The following RBPMS variants were observed in gnomAD, a reference collection of about 807,000 sequenced individuals.
The protein encoded by RBPMS is RNA binding protein, mRNA processing factor, also known as RNA-binding protein with multiple splicing.
Under a neutral mutation model 26.8 loss-of-function variants are expected in RBPMS, and 7 were observed. The observed-to-expected ratio is 0.26, with a 90% CI of 0.15 to 0.49. The LOEUF (loss-of-function observed/expected upper bound fraction) is 0.49. RBPMS is among the 20% of genes least tolerant of loss of function. The pLI is 0.98. For missense variants in RBPMS, 186 were observed against 250.0 expected (o/e 0.74, Z 1.73); for synonymous variants, 96 against 93.3 (o/e 1.03, Z -0.17).
intron 1 of RBPMS, among the ~76,000 whole-genome samples, chr8:30,442,427 C>G (rs1813195114): frequency 1.3e-5 from 2 of 152,216 alleles, no homozygotes; most frequent in South Asian, 4.1e-4. Flanking sequence ...CTCATTCCCA[C>G]TCCTTTCACC....
chr8:30,409,689 G>C (rs1406230610), intron 1 of RBPMS, among the ~76,000 whole-genome samples: 2 of 152,024 alleles, frequency 1.3e-5, no homozygotes, highest in African/African-American at 2.4e-5. Flanking sequence ...CTGGAGTGCA[G>C]TGGCGCGATC....
chr8:30,549,795 T>TCTCTCTCC lies in RBPMS; in HGVS notation c.528+5172_528+5173insTCTCTCCC, dbSNP rs1298441943. Among the ~76,000 whole-genome samples, 255 of 100,712 alleles carry TCTCTCTCC rather than the reference T, an allele frequency of 2.5e-3. 4 individuals are homozygous for TCTCTCTCC. The highest frequency in any genetic ancestry group is 0.012 in the Middle Eastern group (2 of 172). The allele number at this position is 100,712 out of a possible 152,430, so 66.1% of individuals were successfully genotyped here. On this transcript the variant is annotated intron_variant, in intron 6 of 8. Coordinates refer to ENST00000397323, the MANE Select transcript of RBPMS (RefSeq NM_001008710.3). ...TCTTCTCTCTCTCTCTCTCTCTCTCTCCCCTCTCTCCTCTCTCTCTCTCTC... is the reference window on the plus strand; with the variant it reads ...TCTTCTCTCTCTCTCTCTCTCTCTCTCTCTCTCCCCCCTCTCTCCTCTCTCTCTCTCTC...
At chr8:30,560,252 CT>C (rs1393138541) in intron 7 of RBPMS, among the ~76,000 whole-genome samples, 3 of 152,164 alleles carry the variant, frequency 2.0e-5, no homozygotes, top group Non-Finnish European at 4.4e-5. Flanking sequence ...TGAGTGTGGA[CT>C]TCATGTTTGA....
intron 1 of RBPMS, among the ~76,000 whole-genome samples, chr8:30,386,387 A>G (rs965841426): frequency 6.6e-6 from 1 of 152,228 alleles, no homozygotes; most frequent in East Asian, 1.9e-4. Context: ...TATGCCAAAC[A>G]ATGCAAAATA....
chr8:30,507,177 TAGA>T (rs981009646), intron 5 of RBPMS, among the ~76,000 whole-genome samples: 2 of 152,238 alleles, frequency 1.3e-5, no homozygotes, highest in African/African-American at 4.8e-5. Context: ...GGCTTCAGGC[TAGA>T]AGATGTCACT....
intron 1 of RBPMS, among the ~76,000 whole-genome samples, chr8:30,462,488 A>G (rs1816030565): frequency 6.6e-6 from 1 of 151,986 alleles, no homozygotes; most frequent in African/African-American, 2.4e-5. Flanking sequence ...TAATGGTGCA[A>G]TCTCGGCTCA....
chr8:30,483,900 C>T (rs1420243497), intron 4 of RBPMS, among the ~76,000 whole-genome samples: 1 of 152,068 alleles, frequency 6.6e-6, no homozygotes. Flanking sequence ...TGAGATTCAT[C>T]CACGCTGTGG....
intron 8 of RBPMS, among the ~76,000 whole-genome samples, chr8:30,567,312 G>A (rs1827964722): frequency 1.3e-5 from 2 of 152,200 alleles, no homozygotes; most frequent in Non-Finnish European, 1.5e-5. Flanking sequence ...GGCATCAGGT[G>A]TGTGCCACAC....
intron 1 of RBPMS, among the ~76,000 whole-genome samples, chr8:30,411,235 C>T (rs916987521): frequency 6.6e-6 from 1 of 152,148 alleles, no homozygotes; most frequent in Non-Finnish European, 1.5e-5. Context: ...TTACTCCAGA[C>T]CCTGGCCTGT....
chr8:30,445,752 C>T (rs976987905), intron 1 of RBPMS, among the ~76,000 whole-genome samples: 1 of 150,876 alleles, frequency 6.6e-6, no homozygotes, highest in Non-Finnish European at 1.5e-5. Flanking sequence ...ACTGCAGCCT[C>T]GACCAACTGG....
At chr8:30,539,822 T>A (rs547081429) in intron 5 of RBPMS, among the ~76,000 whole-genome samples, 2 of 152,110 alleles carry the variant, frequency 1.3e-5, no homozygotes, top group East Asian at 3.9e-4. Flanking sequence ...GATGGAGTTT[T>A]CCCATGTTGG....
At chr8:30,464,392 A>G (rs1816271198) in intron 1 of RBPMS, among the ~76,000 whole-genome samples, 1 of 152,228 alleles carries the variant, frequency 6.6e-6, no homozygotes, top group African/African-American at 2.4e-5. Context: ...GTAATTTCTG[A>G]TAACTAAATA....
At chr8:30,436,903 T>TAAATATTGAA (rs1374768732) in intron 1 of RBPMS, among the ~76,000 whole-genome samples, 1 of 151,636 alleles carries the variant, frequency 6.6e-6, no homozygotes, top group Non-Finnish European at 1.5e-5. Context: ...GTGTTTACAC[T>TAAATATTGAA]CCCTTGTCGT....
intron 5 of RBPMS, among the ~76,000 whole-genome samples, chr8:30,511,481 A>AT (rs1821624445): frequency 1.4e-5 from 1 of 73,180 alleles, no homozygotes; most frequent in Admixed American, 1.1e-4. Context: ...GAAAAAAAAA[A>AT]AAAAAATATA....
intron 6 of RBPMS, chr8:30,545,092 TC>T: frequency 7.4e-7 from 1 of 1,358,156 alleles, no homozygotes; most frequent in Admixed American, 2.6e-5. Context: ...AGGGAAAGCT[TC>T]CAGGGGGGAA....
intron 1 of RBPMS, among the ~76,000 whole-genome samples, chr8:30,437,157 A>T (rs1005395077): frequency 6.6e-6 from 1 of 151,410 alleles, no homozygotes; most frequent in African/African-American, 2.4e-5. Flanking sequence ...TCCTGACCTC[A>T]TGATCCGCCT....
intron 1 of RBPMS, among the ~76,000 whole-genome samples, chr8:30,420,433 A>G (rs1810634096): frequency 6.6e-6 from 1 of 152,234 alleles, no homozygotes; most frequent in African/African-American, 2.4e-5. Context: ...AAATTTGGAA[A>G]AGAACTCGGG....
At chr8:30,525,599 A>G (rs1320053358) in intron 5 of RBPMS, among the ~76,000 whole-genome samples, 1 of 152,262 alleles carries the variant, frequency 6.6e-6, no homozygotes, top group African/African-American at 2.4e-5. Context: ...AAATAGAACC[A>G]TAAGAACATT....
intron 1 of RBPMS, among the ~76,000 whole-genome samples, chr8:30,410,250 A>G (rs1809197318): frequency 6.6e-6 from 1 of 151,690 alleles, no homozygotes; most frequent in South Asian, 2.1e-4. Flanking sequence ...TCTGTTGCCC[A>G]GGCTGGAGTG....
Sources: gnomAD v4.1 joint callset for allele counts (sites outside exome capture counted in the v4.1 genomes callset) on GRCh38, gnomAD v4.1.1 for gene constraint, MANE v1.5 for transcripts, NCBI Gene and HGNC (gene_info 2026-07-23, HGNC 2026-07-21) for gene names.